SKIC3: variants seen among roughly 807,000 people sequenced by gnomAD.
The protein encoded by SKIC3 is SKI3 subunit of superkiller complex.
At chr5:95,532,931 ACTAT>A in the SKIC3 span, among the ~76,000 whole-genome samples, 1 of 152,126 alleles carries the variant, frequency 6.6e-6, no homozygotes, top group Non-Finnish European at 1.5e-5. Flanking sequence ...GCTGATCAAT[ACTAT>A]CTAATTTTTC....
chr5:95,547,392 C>T, the SKIC3 span, among the ~76,000 whole-genome samples: 1 of 152,040 alleles, frequency 6.6e-6, no homozygotes, highest in Admixed American at 6.6e-5. Context: ...TCTTGCCATC[C>T]CCCTACTCTC....
the SKIC3 span, chr5:95,524,684 G>C: frequency 6.4e-7 from 1 of 1,561,152 alleles, no homozygotes; most frequent in Non-Finnish European, 8.7e-7. Flanking sequence ...AACAATCAAA[G>C]TTTGAGTGAT....
chr5:95,525,568 T>C, the SKIC3 span: 1 of 1,614,014 alleles, frequency 6.2e-7, no homozygotes, highest in Non-Finnish European at 8.5e-7. Flanking sequence ...AAATGCTCAG[T>C]TTGAATAAAA....
the SKIC3 span, among the ~76,000 whole-genome samples, chr5:95,545,518 T>G: frequency 1.3e-5 from 2 of 152,174 alleles, no homozygotes; most frequent in East Asian, 3.9e-4. Context: ...TTTTTAACCT[T>G]TCTTTTAACC....
At chr5:95,542,995 T>C in the SKIC3 span, among the ~76,000 whole-genome samples, 2 of 152,182 alleles carry the variant, frequency 1.3e-5, no homozygotes, top group Admixed American at 1.3e-4. Context: ...TAAATAGTGT[T>C]AAACAACATC....
the SKIC3 span, among the ~76,000 whole-genome samples, chr5:95,491,431 T>C: frequency 4.6e-5 from 7 of 152,210 alleles, no homozygotes; most frequent in Non-Finnish European, 8.8e-5. Context: ...ACAAGGAAGA[T>C]AACACAATTT....
At chr5:95,543,364 T>C in the SKIC3 span, 3 of 1,608,518 alleles carry the variant, frequency 1.9e-6, no homozygotes, top group Non-Finnish European at 2.6e-6. Context: ...GGTTAGTAAA[T>C]TTTCGAAGCA....
chr5:95,492,463 C>T, the SKIC3 span, among the ~76,000 whole-genome samples: 3 of 149,324 alleles, frequency 2.0e-5, no homozygotes, highest in African/African-American at 7.4e-5. Flanking sequence ...GGTGAAACCC[C>T]GTCTCTACTA....
chr5:95,503,034 A>C, the SKIC3 span: 9 of 1,613,040 alleles, frequency 5.6e-6, no homozygotes, highest in East Asian at 1.6e-4. Flanking sequence ...CAAACAAAAC[A>C]ATATAAAAGC....
At chr5:95,519,196 G>A in the SKIC3 span, among the ~76,000 whole-genome samples, 2 of 151,952 alleles carry the variant, frequency 1.3e-5, no homozygotes, top group East Asian at 1.9e-4. Context: ...TAATTATGGT[G>A]ACAGAGGGCA....
chr5:95,553,004 GA>G, the SKIC3 span, among the ~76,000 whole-genome samples: 2 of 143,668 alleles, frequency 1.4e-5, no homozygotes, highest in Non-Finnish European at 3.0e-5. Flanking sequence ...CTTTTAATGA[GA>G]CCTATATAAA....
the SKIC3 span, chr5:95,523,228 A>G: frequency 1.2e-6 from 2 of 1,613,912 alleles, no homozygotes; most frequent in Non-Finnish European, 8.5e-7. Context: ...AATGCTGACC[A>G]GCTTTCAAAT....
At chr5:95,464,874 G>C in the SKIC3 span, among the ~76,000 whole-genome samples, 1 of 149,714 alleles carries the variant, frequency 6.7e-6, no homozygotes, top group African/African-American at 2.5e-5. Flanking sequence ...GCTAACATCA[G>C]AGAGATGCAC....
chr5:95,530,965 T>G, the SKIC3 span, among the ~76,000 whole-genome samples: 1 of 152,022 alleles, frequency 6.6e-6, no homozygotes, highest in Non-Finnish European at 1.5e-5. Context: ...AAATTGTGAA[T>G]AGCATTCACA....
chr5:95,503,064 T>C, the SKIC3 span: 5 of 1,604,414 alleles, frequency 3.1e-6, no homozygotes, highest in South Asian at 4.4e-5. Flanking sequence ...TGATGAAGCA[T>C]GGGATTTTTC....
chr5:95,494,758 A>T, the SKIC3 span: 1 of 1,613,786 alleles, frequency 6.2e-7, no homozygotes, highest in Non-Finnish European at 8.5e-7. Flanking sequence ...TGCTTCCCAT[A>T]GCCAACTGAT....
chr5:95,478,327 A>G, the SKIC3 span: 1 of 1,614,022 alleles, frequency 6.2e-7, no homozygotes, highest in South Asian at 1.1e-5. Flanking sequence ...TAGTCTCAAC[A>G]GACTTGAGAG....
chr5:95,528,202 T>C, the SKIC3 span: 12 of 1,611,570 alleles, frequency 7.4e-6, no homozygotes, highest in Non-Finnish European at 1.0e-5. Context: ...CACTTCTGTT[T>C]ATTTTTTCTT....
At chr5:95,551,617 C>G in the SKIC3 span, among the ~76,000 whole-genome samples, 1 of 152,180 alleles carries the variant, frequency 6.6e-6, no homozygotes, top group African/African-American at 2.4e-5. Context: ...CCCTCCTCAC[C>G]CAATCTAGTT....
Sources: gnomAD v4.1 joint callset for allele counts (sites outside exome capture counted in the v4.1 genomes callset) on GRCh38, gnomAD v4.1.1 for gene constraint, MANE v1.5 for transcripts, NCBI Gene and HGNC (gene_info 2026-07-23, HGNC 2026-07-21) for gene names.